GPC6: variants seen among roughly 807,000 people sequenced by gnomAD.
The protein encoded by GPC6 is glypican-6.
GPC6 carries 14 observed loss-of-function variants against 55.2 expected under a neutral mutation model. The ratio of observed to expected loss-of-function variants is 0.25; its 90% confidence interval spans 0.17 to 0.40. The LOEUF (loss-of-function observed/expected upper bound fraction) is 0.40, where lower values mean the gene tolerates loss of function less well. GPC6 is among the 10% of genes least tolerant of loss of function. GPC6 has a pLI of 1.00. For synonymous variants in GPC6, 278 were observed against 259.6 expected, an observed-to-expected ratio of 1.07 and a Z score of -0.68; for missense variants, 641 against 708.5, an observed-to-expected ratio of 0.90 and a Z score of 1.08.
intron 3 of GPC6, among the ~76,000 whole-genome samples, chr13:93,932,665 C>T (rs2140355931): frequency 6.6e-6 from 1 of 152,154 alleles, no homozygotes; most frequent in South Asian, 2.1e-4. Flanking sequence ...AGTAAAATGG[C>T]CCTAGTTTTA....
Position 94,051,655 on chromosome 13 carries a change from C to T in GPC6, c.877+23761C>T, listed in dbSNP as rs73544052. On this transcript the variant is annotated intron_variant, in intron 4 of 8. Coordinates refer to ENST00000377047, the MANE Select transcript of GPC6 (RefSeq NM_005708.5). ...TTAACGAAAGAGTACATAATAATTG[C>T]ACAAAATTAAAGGACTCTTCTTAAA... 9.5e-3 allele frequency among the ~76,000 whole-genome samples: 1,440 copies of T among 151,956 alleles called. 26 individuals are homozygous for T. Among genetic ancestry groups the T allele is most frequent in the African/African-American group, 0.032 (1,344 of 41,460 alleles).
At chr13:94,027,625 G>T in intron 3 of GPC6, 104 bp from the exon 4 acceptor site, 1 of 973,810 alleles carries the variant, frequency 1.0e-6, no homozygotes, top group East Asian at 2.4e-5. Flanking sequence ...TAATTACAAA[G>T]GGTTAAGATT....
intron 3 of GPC6, among the ~76,000 whole-genome samples, chr13:93,904,869 GCACC>G (rs1188272246): frequency 6.6e-6 from 1 of 151,964 alleles, no homozygotes; most frequent in African/African-American, 2.4e-5. Context: ...CTGGTGTGCT[GCACC>G]CACTAACTCG....
At chr13:93,625,203 G>T (rs139307733) in intron 2 of GPC6, among the ~76,000 whole-genome samples, 158 of 152,190 alleles carry the variant, frequency 1.0e-3, no homozygotes, top group Middle Eastern at 0.01. Flanking sequence ...TAATAAAAAG[G>T]ATGTATAGTA....
chr13:94,269,074 C>A (rs1346114321), intron 4 of GPC6, among the ~76,000 whole-genome samples: 1 of 152,006 alleles, frequency 6.6e-6, no homozygotes, highest in Non-Finnish European at 1.5e-5. Flanking sequence ...TAACATCGAC[C>A]TCTTAGAATC....
At chr13:93,499,509 T>G (rs1480902229) in intron 1 of GPC6, among the ~76,000 whole-genome samples, 1 of 152,178 alleles carries the variant, frequency 6.6e-6, no homozygotes, top group African/African-American at 2.4e-5. Flanking sequence ...GGAACGGGAC[T>G]GAGTTAGGGC....
chr13:94,263,035 A>G (rs1033633396), intron 4 of GPC6, among the ~76,000 whole-genome samples: 1 of 152,236 alleles, frequency 6.6e-6, no homozygotes, highest in Non-Finnish European at 1.5e-5. Context: ...ACTTAGTGCC[A>G]ATCACATGTC....
intron 3 of GPC6, among the ~76,000 whole-genome samples, chr13:94,002,081 G>C (rs1457821025): frequency 6.6e-6 from 1 of 151,994 alleles, no homozygotes; most frequent in East Asian, 1.9e-4. Flanking sequence ...CAAACAGTTG[G>C]CTCCCAGTTC....
chr13:93,602,176 A>T (rs1260725818), intron 2 of GPC6, among the ~76,000 whole-genome samples: 1 of 152,212 alleles, frequency 6.6e-6, no homozygotes, highest in Admixed American at 6.5e-5. Context: ...AGTCTATTTG[A>T]CAACGATAAA....
At chr13:94,064,546 A>G (rs1884449203) in intron 4 of GPC6, among the ~76,000 whole-genome samples, 1 of 152,112 alleles carries the variant, frequency 6.6e-6, no homozygotes, top group Non-Finnish European at 1.5e-5. Context: ...AAACTTGTTC[A>G]AGATGACCAG....
At chr13:93,711,318 C>T (rs1482236169) in intron 2 of GPC6, among the ~76,000 whole-genome samples, 2 of 151,670 alleles carry the variant, frequency 1.3e-5, no homozygotes, top group Admixed American at 6.6e-5. Flanking sequence ...AGAGCTTGTG[C>T]AGGGGAACTC....
At chr13:93,439,913 G>A (rs921769443) in intron 1 of GPC6, among the ~76,000 whole-genome samples, 7 of 151,952 alleles carry the variant, frequency 4.6e-5, no homozygotes, top group African/African-American at 1.2e-4. Flanking sequence ...TTTATCCTCT[G>A]TCATATGACA....
At chr13:93,394,441 T>G (rs1875768105) in intron 1 of GPC6, among the ~76,000 whole-genome samples, 1 of 152,232 alleles carries the variant, frequency 6.6e-6, no homozygotes, top group Non-Finnish European at 1.5e-5. Flanking sequence ...GTTTTGTAAG[T>G]GAATAAAAAC....
intron 3 of GPC6, among the ~76,000 whole-genome samples, chr13:93,937,613 C>G (rs941834048): frequency 1.3e-5 from 2 of 152,130 alleles, no homozygotes; most frequent in Admixed American, 1.3e-4. Flanking sequence ...GAGTCTCGCT[C>G]TGTTGCCCAG....
intron 1 of GPC6, among the ~76,000 whole-genome samples, chr13:93,365,854 T>C (rs1881229074): frequency 6.6e-6 from 1 of 152,112 alleles, no homozygotes; most frequent in Non-Finnish European, 1.5e-5. Context: ...GGCTCTTCTC[T>C]GATTCCTTCA....
chr13:94,186,483 T>G (rs1394529194), intron 4 of GPC6, among the ~76,000 whole-genome samples: 1 of 152,176 alleles, frequency 6.6e-6, no homozygotes, highest in Non-Finnish European at 1.5e-5. Context: ...TTTTTCTAAA[T>G]TGATATTTAA....
chr13:93,486,148 T>C (rs1206490523), intron 1 of GPC6, among the ~76,000 whole-genome samples: 1 of 151,998 alleles, frequency 6.6e-6, no homozygotes, highest in Non-Finnish European at 1.5e-5. Context: ...GGTAAGAAAA[T>C]AATCTAAAGT....
At chr13:93,479,414 A>G (rs1435404759) in intron 1 of GPC6, among the ~76,000 whole-genome samples, 2 of 152,206 alleles carry the variant, frequency 1.3e-5, no homozygotes, top group Non-Finnish European at 2.9e-5. Context: ...GCAGGATTGT[A>G]TGTAGCTACA....
chr13:94,200,166 A>C lies in GPC6; in HGVS notation c.878-86183A>C, dbSNP rs928359696. On this transcript the variant is annotated intron_variant, in intron 4 of 8. Transcript: ENST00000377047. ...AGCAAAACTCTGTCTAAAAAAAAAA[A>C]AAAAAACCACATGTTTCCAGGATCC... Among the ~76,000 whole-genome samples the C allele has an allele frequency of 1.3e-5, 2 of 152,078 alleles. 1 individual carries two copies. The highest frequency in any genetic ancestry group is 1.3e-4 in the Admixed American group (2 of 15,266).
Sources: allele counts gnomAD v4.1 joint callset (sites outside exome capture counted in the v4.1 genomes callset), GRCh38; gene constraint gnomAD v4.1.1; transcripts MANE v1.5; gene names NCBI Gene and HGNC (gene_info 2026-07-23, HGNC 2026-07-21).